The following ARHGAP17 variants were observed in gnomAD, a reference collection of about 807,000 sequenced individuals.
ARHGAP17 encodes the protein rho GTPase-activating protein 17.
ARHGAP17 carries 57 observed loss-of-function variants against 99.5 expected under a neutral mutation model. That is an observed-to-expected ratio of 0.57 (90% CI 0.46 to 0.71). ARHGAP17 has a LOEUF of 0.71. Ranked by LOEUF, ARHGAP17 falls within the 30% of genes least tolerant of loss-of-function variation. The pLI is 0.00. For missense variants in ARHGAP17, 1,000 were observed against 1,122.4 expected, an observed-to-expected ratio of 0.89 and a Z score of 1.56; for synonymous variants, 417 against 429.6, an observed-to-expected ratio of 0.97 and a Z score of 0.36.
chr16:24,997,293 A>G (rs1597477024), intron 1 of ARHGAP17, among the ~76,000 whole-genome samples: 1 of 144,358 alleles, frequency 6.9e-6, no homozygotes, highest in Non-Finnish European at 1.5e-5. Context: ...CATATTCTCT[A>G]TCATTAGCAC....
chr16:24,965,495 C>T (rs1156824012), intron 6 of ARHGAP17, among the ~76,000 whole-genome samples: 1 of 151,962 alleles, frequency 6.6e-6, no homozygotes, highest in African/African-American at 2.4e-5. Flanking sequence ...ACAAAAAAAC[C>T]CAAAAAACAT....
chr16:24,968,510 C>T, intron 5 of ARHGAP17, 83 bp from the exon 6 acceptor site: 1 of 1,568,896 alleles, frequency 6.4e-7, no homozygotes. Context: ...CGTTTTTTCT[C>T]TAAGGCAAAG....
chr16:25,003,911 C>T (rs1294790901), intron 1 of ARHGAP17, among the ~76,000 whole-genome samples: 4 of 151,936 alleles, frequency 2.6e-5, no homozygotes, highest in African/African-American at 4.8e-5. Context: ...ACTACAAATA[C>T]TTAACAAATG....
chr16:24,987,628 A>G (rs2052913116), intron 1 of ARHGAP17, among the ~76,000 whole-genome samples: 1 of 152,000 alleles, frequency 6.6e-6, no homozygotes, highest in Non-Finnish European at 1.5e-5. Flanking sequence ...CCCCAACCCA[A>G]GGATGGCAAA....
At chr16:24,977,172 A>G (rs1414457597) in intron 3 of ARHGAP17, 43 bp downstream of exon 3, 10 of 1,468,778 alleles carry the variant, frequency 6.8e-6, no homozygotes, top group Non-Finnish European at 9.2e-6. Flanking sequence ...AAAGCCTCAG[A>G]GAGACGCAGG....
At chr16:24,933,896 A>G (rs530095652) in intron 18 of ARHGAP17, among the ~76,000 whole-genome samples, 1 of 152,298 alleles carries the variant, frequency 6.6e-6, no homozygotes, top group Non-Finnish European at 1.5e-5. Flanking sequence ...ATGCGGCTAT[A>G]AGGAAAAGAG....
At chr16:24,986,009 A>G (rs935107554) in intron 1 of ARHGAP17, among the ~76,000 whole-genome samples, 1 of 152,184 alleles carries the variant, frequency 6.6e-6, no homozygotes, top group African/African-American at 2.4e-5. Context: ...GCAAGGCAGC[A>G]CCACCAAACC....
intron 1 of ARHGAP17, among the ~76,000 whole-genome samples, chr16:24,982,892 G>A (rs1290618759): frequency 5.8e-5 from 8 of 138,394 alleles, no homozygotes; most frequent in Non-Finnish European, 9.1e-5. Context: ...GACTGAATTC[G>A]TCAAGACATC....
intron 7 of ARHGAP17, among the ~76,000 whole-genome samples, chr16:24,961,531 T>A (rs2052000738): frequency 2.3e-5 from 3 of 131,766 alleles, no homozygotes; most frequent in African/African-American, 5.8e-5. Context: ...TTTTTTTTTT[T>A]TTTTTTTTTT....
chr16:24,960,500 G>A (rs996917588), intron 7 of ARHGAP17, among the ~76,000 whole-genome samples: 8 of 151,958 alleles, frequency 5.3e-5, no homozygotes, highest in African/African-American at 1.2e-4. Flanking sequence ...AGCTGAGATC[G>A]TGTGCCACTG....
At chr16:24,952,897 G>A (rs747406714) in intron 11 of ARHGAP17, 34 bp downstream of exon 11, 16 of 1,597,546 alleles carry the variant, frequency 1.0e-5, no homozygotes, top group Non-Finnish European at 1.3e-5. Context: ...CGCCTTGAGG[G>A]TGACTTGATT....
intron 1 of ARHGAP17, among the ~76,000 whole-genome samples, chr16:25,005,663 C>T (rs2053485338): frequency 6.6e-6 from 1 of 152,138 alleles, no homozygotes; most frequent in African/African-American, 2.4e-5. Flanking sequence ...AGCAATGAAA[C>T]TGATAACTAA....
chr16:24,933,856 T>C (rs2051061436), intron 18 of ARHGAP17, among the ~76,000 whole-genome samples: 1 of 152,032 alleles, frequency 6.6e-6, no homozygotes, highest in Non-Finnish European at 1.5e-5. Context: ...GCCTGGGAGC[T>C]GTGATTTCGG....
chr16:24,921,095 C>T (rs754107758), intron 19 of ARHGAP17: 8 of 152,266 alleles, frequency 5.3e-5, no homozygotes, highest in Non-Finnish European at 1.2e-4. Context: ...TTCATTTATG[C>T]ATGAACAAAT....
chr16:24,987,539 C>T (rs866735120), intron 1 of ARHGAP17, among the ~76,000 whole-genome samples: 2 of 152,130 alleles, frequency 1.3e-5, no homozygotes, highest in East Asian at 1.9e-4. Context: ...AAGACTTTTG[C>T]CAAATTGCTC....
intron 1 of ARHGAP17, among the ~76,000 whole-genome samples, chr16:25,000,813 A>G (rs1194636869): frequency 2.6e-5 from 4 of 152,212 alleles, no homozygotes; most frequent in South Asian, 4.1e-4. Context: ...TTTTCTCCAT[A>G]TAGTTGGACT....
At chr16:24,983,004 T>A (rs1199456542) in intron 1 of ARHGAP17, among the ~76,000 whole-genome samples, 1,871 of 24,832 alleles carry the variant, frequency 0.075, 56 homozygotes, top group Non-Finnish European at 0.11. Flanking sequence ...ATATTTTTTT[T>A]TTTTTTTTTT....
At chr16:24,983,052 T>C (rs1380011999) in intron 1 of ARHGAP17, among the ~76,000 whole-genome samples, 1 of 135,856 alleles carries the variant, frequency 7.4e-6, no homozygotes, top group Admixed American at 8.1e-5. Context: ...TCACCCAGGC[T>C]GGAGTGCAGT....
In ARHGAP17 at chr16:24,959,757, G is replaced by C; in HGVS notation, c.643-5C>G. The stretch of plus-strand genomic sequence containing the variant: ...ATCTGCTTGGGCTTCTAATAACTGA[G>C]AACAGACCCACATTCAAAAACAAAA... On this transcript the variant is annotated splice_region_variant and splice_polypyrimidine_tract_variant and intron_variant, in intron 8 of 19. Transcript: ENST00000289968. 6.2e-7 allele frequency: 1 copy of C among 1,613,808 alleles called. No homozygotes were observed. Among genetic ancestry groups the C allele is most frequent in the Non-Finnish European group, 8.5e-7 (1 of 1,179,898 alleles).
Sources: gnomAD v4.1 joint callset for allele counts (sites outside exome capture counted in the v4.1 genomes callset) on GRCh38, gnomAD v4.1.1 for gene constraint, MANE v1.5 for transcripts, NCBI Gene and HGNC (gene_info 2026-07-23, HGNC 2026-07-21) for gene names.